NIN: variants seen among roughly 807,000 people sequenced by gnomAD.
NIN encodes ninein.
Under a neutral mutation model 257.6 loss-of-function variants are expected in NIN, and 137 were observed. The observed-to-expected ratio is 0.53, with a 90% CI of 0.46 to 0.61. NIN has a LOEUF of 0.61. NIN is among the 20% of genes least tolerant of loss of function. NIN has a pLI of 0.00. For synonymous variants in NIN, 918 were observed against 919.8 expected, an observed-to-expected ratio of 1.00 and a Z score of 0.04; for missense variants, 2,439 against 2,501.2, an observed-to-expected ratio of 0.98 and a Z score of 0.53.
In NIN at chr14:50,753,137, C is replaced by T. The variant is rs1454562566; in HGVS notation, c.4735-404G>A. ...CTTTCCAGGTGGGCACGGTGGCTCA[C>T]GCCTGTAATCCCAGCACTTTGGGAC... is the stretch of plus-strand genomic sequence containing the variant. On this transcript the variant is annotated intron_variant, in intron 20 of 30. Transcript: ENST00000530997. Among the ~76,000 whole-genome samples, 8 of 152,226 alleles carry T rather than the reference C, an allele frequency of 5.3e-5. No individual in the cohort carries two copies. The East Asian group carries it at 5.8e-4, about 11-fold the overall frequency.
At position 50,758,655 on chromosome 14, in the gene NIN, T is replaced by G. The variant is rs371865950; in HGVS notation, c.2400-25A>C. The stretch of plus-strand genomic sequence containing the variant: ...CCTAAATATAGTCAACATACAGCAT[T>G]ATTGAAACTGCCGCCAACTCCAGAA... On this transcript the variant is annotated intron_variant, in intron 17 of 30. Transcript: ENST00000530997. 250 of 1,522,198 alleles carry G rather than the reference T, an allele frequency of 1.6e-4. 1 individual carries two copies. Among genetic ancestry groups the G allele is most frequent in the Non-Finnish European group, 2.1e-4 (244 of 1,137,172 alleles). 94.3% of individuals were successfully genotyped at this position (1,522,198 alleles called of 1,614,324 possible).
intron 25 of NIN, 105 bp downstream of exon 25, chr14:50,741,476 AT>A (rs1268427553): frequency 1.2e-6 from 1 of 852,132 alleles, no homozygotes; most frequent in Non-Finnish European, 1.8e-6. Flanking sequence ...TAAAATATGC[AT>A]ATTTATATGT....
chr14:50,798,634 G>A (rs1164422680), intron 4 of NIN, among the ~76,000 whole-genome samples: 1 of 152,186 alleles, frequency 6.6e-6, no homozygotes, highest in Admixed American at 6.5e-5. Flanking sequence ...TGGGAAGAAG[G>A]ATGAGATACA....
chr14:50,784,429 A>G (rs1392452703), intron 5 of NIN, among the ~76,000 whole-genome samples: 4 of 152,228 alleles, frequency 2.6e-5, no homozygotes, highest in Non-Finnish European at 4.4e-5. Context: ...GAGTACATGA[A>G]TAACAACACG....
At chr14:50,827,089 T>A (rs997658797) in intron 2 of NIN, among the ~76,000 whole-genome samples, 3 of 152,358 alleles carry the variant, frequency 2.0e-5, no homozygotes, top group Middle Eastern at 3.4e-3. Context: ...AATGATCAAA[T>A]TAAAGTGCTC....
chr14:50,823,400 C>T, intron 2 of NIN: 1 of 463,862 alleles, frequency 2.2e-6, no homozygotes, highest in Non-Finnish European at 4.3e-6. Context: ...TTACAGAACT[C>T]TCTAACTTAG....
chr14:50,829,845 C>G (rs1159614394), intron 2 of NIN, among the ~76,000 whole-genome samples: 2 of 152,216 alleles, frequency 1.3e-5, no homozygotes, highest in African/African-American at 4.8e-5. Context: ...GTTCCCATCA[C>G]CTAGTGTCCT....
intron 4 of NIN, among the ~76,000 whole-genome samples, chr14:50,796,968 A>G (rs529783000): frequency 6.6e-6 from 1 of 152,380 alleles, no homozygotes; most frequent in Admixed American, 6.5e-5. Flanking sequence ...ATGAGGACCT[A>G]AGGGAAGCTA....
chr14:50,805,441 G>C (rs1166109611), intron 4 of NIN, among the ~76,000 whole-genome samples: 2 of 152,174 alleles, frequency 1.3e-5, no homozygotes, highest in Admixed American at 6.5e-5. Context: ...TCAAGTATCA[G>C]AGTTAAGAAC....
At position 50,793,687 on chromosome 14, in the gene NIN, C is replaced by T. The variant is rs186609113; in HGVS notation, c.266-806G>A. Among the ~76,000 whole-genome samples, 1,223 of 152,252 alleles carry T rather than the reference C, an allele frequency of 8.0e-3. 17 individuals carry two copies. Among genetic ancestry groups the T allele is most frequent in the African/African-American group, 0.027 (1,130 of 41,544 alleles). ...CAGGTTCAACACTGACCACCTTCCCCGTTACCATCACCACCACTGCTGCCA... is the reference window on the plus strand; with the variant it reads ...CAGGTTCAACACTGACCACCTTCCCTGTTACCATCACCACCACTGCTGCCA... On this transcript the variant is annotated intron_variant, in intron 4 of 30. Coordinates refer to ENST00000530997, the MANE Select transcript of NIN (RefSeq NM_020921.4).
At chr14:50,733,861 G>C (rs2040840101) in intron 28 of NIN, among the ~76,000 whole-genome samples, 1 of 152,064 alleles carries the variant, frequency 6.6e-6, no homozygotes, top group African/African-American at 2.4e-5. Flanking sequence ...AGAAAAAATG[G>C]TTTAGACTTC....
intron 4 of NIN, among the ~76,000 whole-genome samples, chr14:50,796,475 T>C (rs1418541551): frequency 6.6e-6 from 1 of 152,188 alleles, no homozygotes; most frequent in African/African-American, 2.4e-5. Context: ...GAAAATACTA[T>C]GCCTTCGGGC....
intron 27 of NIN, among the ~76,000 whole-genome samples, chr14:50,736,453 T>C (rs2040984662): frequency 6.6e-6 from 1 of 152,062 alleles, no homozygotes; most frequent in African/African-American, 2.4e-5. Flanking sequence ...TTATAACTCT[T>C]TACTACAGGA....
At chr14:50,784,166 G>A (rs971046765) in intron 5 of NIN, among the ~76,000 whole-genome samples, 9 of 152,320 alleles carry the variant, frequency 5.9e-5, no homozygotes, top group Admixed American at 3.9e-4. Flanking sequence ...TGGGTTGTTT[G>A]GCTCTGCCAC....
intron 4 of NIN, among the ~76,000 whole-genome samples, chr14:50,795,604 T>C (rs2142058671): frequency 6.6e-6 from 1 of 152,344 alleles, no homozygotes; most frequent in African/African-American, 2.4e-5. Context: ...TACGTTTATT[T>C]ACTTTCTGAG....
At chr14:50,800,331 G>A (rs1391564167) in intron 4 of NIN, among the ~76,000 whole-genome samples, 1 of 152,116 alleles carries the variant, frequency 6.6e-6, no homozygotes, top group Non-Finnish European at 1.5e-5. Context: ...AGAAAAAAGT[G>A]TTTCAGATTT....
intron 20 of NIN, among the ~76,000 whole-genome samples, chr14:50,753,258 G>A (rs926213318): frequency 6.6e-6 from 1 of 152,128 alleles, no homozygotes; most frequent in Admixed American, 6.5e-5. Context: ...AAATTAGCCG[G>A]GTGTGGTGGC....
At chr14:50,755,116 C>G (rs2041963408) in intron 18 of NIN, among the ~76,000 whole-genome samples, 1 of 152,194 alleles carries the variant, frequency 6.6e-6, no homozygotes, top group Non-Finnish European at 1.5e-5. Flanking sequence ...AGAAATGAAT[C>G]AAGACTCAAT....
rs949582616 is a variant in NIN at position 50,723,489 on chromosome 14, T to C, written c.6376A>G (p.Thr2126Ala). The change falls in exon 31 of 31, where the codon ACT (threonine) becomes GCT (alanine). Residue 2126 changes from threonine (T) to alanine (A), a missense_variant. This residue lies in a region of NIN where 2,043 missense variants were observed against 2,050.2 expected (regional missense o/e 1.00). Transcript: ENST00000530997. ...TATGACCTCAAAGGAGGTGTAGAAG[T>C]CAATGGCGCTGGTGTCAGATTCCTA... is the stretch of plus-strand genomic sequence containing the variant. ...IVRNLTPAPL[T>A]STPPLRS 2 of 1,612,908 alleles carry C rather than the reference T, an allele frequency of 1.2e-6. No homozygotes were observed. Among genetic ancestry groups the C allele is most frequent in the Non-Finnish European group, 1.7e-6 (2 of 1,179,782 alleles).
Sources: gnomAD v4.1 joint callset for allele counts (sites outside exome capture counted in the v4.1 genomes callset) on GRCh38, gnomAD v4.1.1 for gene constraint, gnomAD v4.1.1 regional missense constraint, MANE v1.5 for transcripts, NCBI Gene and HGNC (gene_info 2026-07-23, HGNC 2026-07-21) for gene names.